Variants in DPP10 observed in about 807,000 individuals in gnomAD.
DPP10 encodes the protein inactive dipeptidyl peptidase 10.
In DPP10, 33 loss-of-function variants were observed where a neutral mutation model predicts 120.9. That is an observed-to-expected ratio of 0.27 (90% CI 0.21 to 0.37). DPP10 has a LOEUF of 0.37. DPP10 is among the 10% of genes least tolerant of loss of function. DPP10 has a pLI of 1.00. For synonymous variants in DPP10, 337 were observed against 326.1 expected (o/e 1.03, Z -0.36); for missense variants, 816 against 942.8 (o/e 0.87, Z 1.76).
chr2:114,843,585 T>A (rs1434541780), intron 1 of DPP10, among the ~76,000 whole-genome samples: 1 of 152,186 alleles, frequency 6.6e-6, no homozygotes, highest in Non-Finnish European at 1.5e-5. Flanking sequence ...AGAGCTTATC[T>A]GTATTGACCT....
intron 5 of DPP10, among the ~76,000 whole-genome samples, chr2:115,585,851 G>T (rs756291691): frequency 6.6e-6 from 1 of 152,106 alleles, no homozygotes; most frequent in Non-Finnish European, 1.5e-5. Flanking sequence ...TTCTACACTG[G>T]TTTTTTTGCT....
At chr2:115,753,045 A>C in intron 10 of DPP10, 129 bp from the exon 11 acceptor site, 2 of 720,068 alleles carry the variant, frequency 2.8e-6, no homozygotes, top group Non-Finnish European at 4.2e-6. Context: ...ATCTATACAT[A>C]AATTAATATG....
chr2:115,224,145 C>A (rs1317828416), intron 1 of DPP10, among the ~76,000 whole-genome samples: 1 of 152,002 alleles, frequency 6.6e-6, no homozygotes, highest in Non-Finnish European at 1.5e-5. Flanking sequence ...TGTAAAGTTA[C>A]AACTGTGAAA....
intron 1 of DPP10, among the ~76,000 whole-genome samples, chr2:114,656,514 T>C (rs1313459861): frequency 6.6e-6 from 1 of 152,190 alleles, no homozygotes; most frequent in African/African-American, 2.4e-5. Context: ...CAATTTATTG[T>C]TCACATAGCC....
Position 115,703,429 on chromosome 2 carries a change from G to A in DPP10, c.576+13508G>A, listed in dbSNP as rs149677936. The stretch of plus-strand genomic sequence containing the variant: ...TAGGGAGAGGGAGAAGGATTTTAAC[G>A]AATTAACTCATGCAACTGTGAGGGC... On this transcript the variant is annotated intron_variant, in intron 7 of 25. Coordinates refer to ENST00000410059, the MANE Select transcript of DPP10 (RefSeq NM_020868.6). Among the ~76,000 whole-genome samples the A allele has an allele frequency of 4.2e-3, 645 of 152,030 alleles. 6 individuals are homozygous for A. The highest frequency in any genetic ancestry group is 0.015 in the African/African-American group (620 of 41,514).
At chr2:114,532,471 A>G (rs1686106142) in intron 1 of DPP10, among the ~76,000 whole-genome samples, 1 of 151,532 alleles carries the variant, frequency 6.6e-6, no homozygotes, top group Non-Finnish European at 1.5e-5. Context: ...TCACCTATCT[A>G]CCCACTTACC....
chr2:115,470,075 T>A (rs1279633737), intron 3 of DPP10, among the ~76,000 whole-genome samples: 1 of 152,112 alleles, frequency 6.6e-6, no homozygotes, highest in Non-Finnish European at 1.5e-5. Flanking sequence ...CTTTTTTAAT[T>A]GGGAATTTTC....
intron 1 of DPP10, among the ~76,000 whole-genome samples, chr2:114,845,041 G>A (rs1376777660): frequency 1.3e-5 from 2 of 152,068 alleles, no homozygotes; most frequent in Admixed American, 1.3e-4. Flanking sequence ...AATTTAAAAG[G>A]CAGGATTGAA....
intron 1 of DPP10, among the ~76,000 whole-genome samples, chr2:114,558,606 A>T (rs1454982028): frequency 6.6e-6 from 1 of 152,260 alleles, no homozygotes; most frequent in Non-Finnish European, 1.5e-5. Context: ...GCTCCTCTAA[A>T]GCAGAAATTT....
intron 1 of DPP10, among the ~76,000 whole-genome samples, chr2:115,293,994 A>G (rs1057132913): frequency 3.3e-5 from 5 of 152,182 alleles, no homozygotes; most frequent in Non-Finnish European, 5.9e-5. Flanking sequence ...TATCTTTCTT[A>G]TAAAGGAATC....
chr2:115,702,395 G>A (rs2091928967), intron 7 of DPP10, among the ~76,000 whole-genome samples: 2 of 152,048 alleles, frequency 1.3e-5, no homozygotes, highest in South Asian at 4.1e-4. Context: ...AATGTCCACA[G>A]TAGAATTATT....
intron 1 of DPP10, among the ~76,000 whole-genome samples, chr2:115,223,254 A>G (rs2057266289): frequency 6.6e-6 from 1 of 152,096 alleles, no homozygotes; most frequent in Non-Finnish European, 1.5e-5. Flanking sequence ...AATTTTAAGG[A>G]TGTCTATTTT....
chr2:115,007,770 C>T lies in DPP10; in HGVS notation c.61-301469C>T, dbSNP rs1301717542. On this transcript the variant is annotated intron_variant, in intron 1 of 25. Coordinates refer to ENST00000410059, the MANE Select transcript of DPP10 (RefSeq NM_020868.6). ...CAATGTGCAAAAATCACAAGCATTC[C>T]TATACACCAACAACAGACAAACAGA... 9.4e-4 allele frequency among the ~76,000 whole-genome samples: 141 copies of T among 149,700 alleles called. No individual in the cohort carries two copies. In the Middle Eastern group the frequency reaches 0.017, roughly 19 times the overall value.
In DPP10 at chr2:115,735,899, T is replaced by C. The variant is rs79760963; in HGVS notation, c.698-3840T>C. Among the ~76,000 whole-genome samples, 1,226 of 152,128 alleles carry C rather than the reference T, an allele frequency of 8.1e-3. 21 individuals carry two copies. The highest frequency in any genetic ancestry group is 0.028 in the African/African-American group (1,179 of 41,482). On this transcript the variant is annotated intron_variant, in intron 8 of 25. Coordinates refer to ENST00000410059, the MANE Select transcript of DPP10 (RefSeq NM_020868.6). ...ATCGACCAGTACTATTGGGCAAAAA[T>C]GTATTTGTGACTCTCCTGAGTTCCA...
intron 7 of DPP10, among the ~76,000 whole-genome samples, chr2:115,699,953 A>C (rs914908581): frequency 1.3e-5 from 2 of 152,210 alleles, no homozygotes; most frequent in African/African-American, 2.4e-5. Context: ...TAATTTATAA[A>C]GAAAAGAGGT....
intron 1 of DPP10, among the ~76,000 whole-genome samples, chr2:114,456,384 T>G (rs533629463): frequency 6.6e-6 from 1 of 152,350 alleles, no homozygotes; most frequent in East Asian, 1.9e-4. Context: ...TAGTGACTTC[T>G]TAACATTAGA....
chr2:114,877,455 G>T (rs1263262152), intron 1 of DPP10, among the ~76,000 whole-genome samples: 1 of 151,970 alleles, frequency 6.6e-6, no homozygotes, highest in Non-Finnish European at 1.5e-5. Context: ...AGATACTTGA[G>T]GCCTCCGGTC....
chr2:115,115,158 C>T (rs770357938), intron 1 of DPP10, among the ~76,000 whole-genome samples: 63 of 151,972 alleles, frequency 4.1e-4, no homozygotes, highest in Non-Finnish European at 7.9e-4. Flanking sequence ...TTATAGAAAA[C>T]GGTTGTTTCT....
At chr2:114,502,897 G>A (rs1248247219) in intron 1 of DPP10, among the ~76,000 whole-genome samples, 1 of 152,220 alleles carries the variant, frequency 6.6e-6, no homozygotes, top group African/African-American at 2.4e-5. Flanking sequence ...TTAAAAGAGA[G>A]GATTTCGGAG....
Sources: allele counts gnomAD v4.1 joint callset (sites outside exome capture counted in the v4.1 genomes callset), GRCh38; gene constraint gnomAD v4.1.1; transcripts MANE v1.5; gene names NCBI Gene and HGNC (gene_info 2026-07-23, HGNC 2026-07-21).